Variants in RARB observed in about 807,000 individuals in gnomAD.
The protein encoded by RARB is HBV-activated protein.
In RARB, 17 loss-of-function variants were observed where a neutral mutation model predicts 51.9. That is an observed-to-expected ratio of 0.33 (90% CI 0.22 to 0.49). RARB has a LOEUF of 0.49. Ranked by LOEUF, RARB falls within the 20% of genes least tolerant of loss-of-function variation. The pLI, the probability that RARB is intolerant of heterozygous loss-of-function variation, is 0.99. For synonymous variants in RARB, 215 were observed against 195.4 expected (o/e 1.10, Z -0.84); for missense variants, 369 against 550.8 (o/e 0.67, Z 3.30).
chr3:25,141,015 C>T (rs1322828297), intron 4 of RARB, among the ~76,000 whole-genome samples: 2 of 151,958 alleles, frequency 1.3e-5, no homozygotes, highest in Non-Finnish European at 2.9e-5. Flanking sequence ...TCTCATATGC[C>T]CTGGGAAACC....
chr3:25,091,814 G>T (rs143894501), intron 3 of RARB, among the ~76,000 whole-genome samples: 1 of 152,142 alleles, frequency 6.6e-6, no homozygotes, highest in Non-Finnish European at 1.5e-5. Context: ...TGGGGTTTAT[G>T]TTTCCCTCTG....
intron 5 of RARB, among the ~76,000 whole-genome samples, chr3:25,344,241 A>T (rs1205912460): frequency 2.0e-5 from 3 of 152,192 alleles, no homozygotes; most frequent in Non-Finnish European, 2.9e-5. Context: ...TTTCAAGAAG[A>T]TAGTCACATC....
intron 2 of RARB, among the ~76,000 whole-genome samples, chr3:24,949,585 C>T (rs993510739): frequency 3.6e-4 from 55 of 152,172 alleles, no homozygotes; most frequent in African/African-American, 1.1e-3. Flanking sequence ...AATTTTGAGG[C>T]GAGAATATGT....
intron 5 of RARB, among the ~76,000 whole-genome samples, chr3:25,332,620 C>G (rs1048296096): frequency 9.9e-5 from 15 of 152,178 alleles, no homozygotes; most frequent in African/African-American, 3.6e-4. Flanking sequence ...TGGCACAAGA[C>G]AGGGATGACC....
At chr3:25,080,743 A>G (rs1246720244) in intron 3 of RARB, among the ~76,000 whole-genome samples, 2 of 152,012 alleles carry the variant, frequency 1.3e-5, no homozygotes, top group African/African-American at 4.8e-5. Flanking sequence ...CCACTTGCCT[A>G]TTTTTCAACT....
At chr3:25,064,345 T>C (rs896849584) in intron 3 of RARB, among the ~76,000 whole-genome samples, 7 of 152,186 alleles carry the variant, frequency 4.6e-5, no homozygotes, top group Non-Finnish European at 1.0e-4. Context: ...TTTATTCTTA[T>C]GCTGATTTAT....
intron 5 of RARB, among the ~76,000 whole-genome samples, chr3:25,386,937 A>AC (rs751394208): frequency 2.6e-5 from 4 of 152,110 alleles, no homozygotes; most frequent in African/African-American, 9.7e-5. Flanking sequence ...GGCGTAGGCA[A>AC]TTTTTCCCCT....
intron 4 of RARB, among the ~76,000 whole-genome samples, chr3:25,163,989 G>C (rs116771461): frequency 6.6e-6 from 1 of 152,122 alleles, no homozygotes; most frequent in East Asian, 1.9e-4. Context: ...CCTCTCCAAA[G>C]AGCTTGGTAT....
chr3:24,850,564 A>T (rs1702542697), intron 1 of RARB, among the ~76,000 whole-genome samples: 1 of 152,198 alleles, frequency 6.6e-6, no homozygotes, highest in Admixed American at 6.5e-5. Context: ...GAGTGGCTTT[A>T]GCATGTTTGG....
chr3:25,278,514 T>C (rs541407217), intron 5 of RARB, among the ~76,000 whole-genome samples: 2 of 152,334 alleles, frequency 1.3e-5, no homozygotes, highest in South Asian at 4.1e-4. Context: ...ACAGTGTCTC[T>C]ATACAGGGGT....
chr3:25,206,858 C>G (rs1322728008), intron 5 of RARB, among the ~76,000 whole-genome samples: 1 of 152,136 alleles, frequency 6.6e-6, no homozygotes, highest in Non-Finnish European at 1.5e-5. Context: ...TGATGACTAC[C>G]TGAGTGCTAG....
At chr3:24,844,772 C>T (rs1388476905) in intron 1 of RARB, among the ~76,000 whole-genome samples, 1 of 152,040 alleles carries the variant, frequency 6.6e-6, no homozygotes, top group Non-Finnish European at 1.5e-5. Flanking sequence ...TTCTCTGGAC[C>T]CCTGCGATCT....
At chr3:25,549,010 G>A (rs781333086) in intron 3 of RARB, among the ~76,000 whole-genome samples, 5 of 151,702 alleles carry the variant, frequency 3.3e-5, no homozygotes, top group Non-Finnish European at 7.4e-5. Flanking sequence ...TTCTATTTGT[G>A]GCTTCTAGCC....
chr3:25,165,119 A>G (rs1700538602), intron 4 of RARB, among the ~76,000 whole-genome samples: 1 of 152,150 alleles, frequency 6.6e-6, no homozygotes, highest in South Asian at 2.1e-4. Context: ...GAAAAAAAAT[A>G]CAAACCAGTT....
intron 4 of RARB, among the ~76,000 whole-genome samples, chr3:25,164,676 G>A: frequency 6.6e-6 from 1 of 151,960 alleles, no homozygotes; most frequent in East Asian, 1.9e-4. Context: ...GCTACTTTGG[G>A]GACCCTATTA....
intron 3 of RARB, among the ~76,000 whole-genome samples, chr3:25,502,645 G>A (rs762193421): frequency 5.3e-5 from 8 of 152,132 alleles, no homozygotes; most frequent in African/African-American, 1.2e-4. Context: ...TGTTCCAGCC[G>A]CATGCGTGAA....
At chr3:24,974,715 C>T (rs745993920) in intron 2 of RARB, among the ~76,000 whole-genome samples, 8 of 152,026 alleles carry the variant, frequency 5.3e-5, no homozygotes, top group Non-Finnish European at 1.0e-4. Context: ...GAAAGAAATA[C>T]ATAAGAAATT....
At position 25,560,014 on chromosome 3, in the gene RARB, T is replaced by C. The variant is rs371140034; in HGVS notation, c.449-9744T>C. ...TATAAGACACTGTTCAGATCTATAATGATTAGGAAAGAAGGTTATAGTTAA... is the reference window on the plus strand; with the variant it reads ...TATAAGACACTGTTCAGATCTATAACGATTAGGAAAGAAGGTTATAGTTAA... On this transcript the variant is annotated intron_variant, in intron 3 of 7. Coordinates refer to ENST00000330688, the MANE Select transcript of RARB (RefSeq NM_000965.5). Among the ~76,000 whole-genome samples the C allele has an allele frequency of 1.8e-4, 28 of 152,356 alleles. 1 individual carries two copies. Among genetic ancestry groups the C allele is most frequent in the African/African-American group, 6.5e-4 (27 of 41,590 alleles).
intron 3 of RARB, among the ~76,000 whole-genome samples, chr3:25,081,787 C>T (rs1014176454): frequency 1.3e-5 from 2 of 150,160 alleles, no homozygotes; most frequent in African/African-American, 4.9e-5. Flanking sequence ...TGCCCACCAG[C>T]TCGCCCAGCT....
Sources: allele counts gnomAD v4.1 joint callset (sites outside exome capture counted in the v4.1 genomes callset), GRCh38; gene constraint gnomAD v4.1.1; transcripts MANE v1.5; gene names NCBI Gene and HGNC (gene_info 2026-07-23, HGNC 2026-07-21).